Variants in BTBD16 observed in about 807,000 individuals in gnomAD.
The protein encoded by BTBD16 is BTB/POZ domain-containing protein 16.
BTBD16 carries 66 observed loss-of-function variants against 67.4 expected under a neutral mutation model. That is an observed-to-expected ratio of 0.98 (90% CI 0.80 to 1.20). The LOEUF is 1.20. Ranked by LOEUF, BTBD16 falls within the 50% of genes most tolerant of loss-of-function variation. The pLI is 0.00. For missense variants in BTBD16, 634 were observed against 616.0 expected, an observed-to-expected ratio of 1.03 and a Z score of -0.31; for synonymous variants, 242 against 236.4, an observed-to-expected ratio of 1.02 and a Z score of -0.22.
chr10:122,286,925 C>T lies in BTBD16; in HGVS notation c.385+677C>T, dbSNP rs140576194. On this transcript the variant is annotated intron_variant, in intron 5 of 15. Transcript: ENST00000260723. ...GCATCCCCTCGGGCTGACTCATAAG[C>T]AGGTGCCACGGAAAATTCGAGGCCC... 3.1e-3 allele frequency among the ~76,000 whole-genome samples: 478 copies of T among 152,282 alleles called. 2 individuals carry two copies. The highest frequency in any genetic ancestry group is 0.011 in the African/African-American group (466 of 41,544).
chr10:122,333,862 A>G (rs899104425), intron 13 of BTBD16, among the ~76,000 whole-genome samples: 1 of 152,182 alleles, frequency 6.6e-6, no homozygotes, highest in Non-Finnish European at 1.5e-5. Flanking sequence ...TCCTTTAACA[A>G]TAGTTCTCGA....
intron 1 of BTBD16, 23 bp downstream of exon 1, chr10:122,271,537 A>C (rs1308912397): frequency 6.6e-6 from 1 of 152,264 alleles, no homozygotes; most frequent in Non-Finnish European, 1.5e-5. Flanking sequence ...GGTATTTTTC[A>C]GCCACTTCAG....
At chr10:122,337,554 TCC>T (rs1392048376) in intron 15 of BTBD16, among the ~76,000 whole-genome samples, 5 of 152,148 alleles carry the variant, frequency 3.3e-5, no homozygotes, top group Admixed American at 2.6e-4. Flanking sequence ...AAGCTCCACC[TCC>T]CGGGTTCACG....
At chr10:122,272,678 TACACACACACAC>T (rs112265160) in intron 1 of BTBD16, among the ~76,000 whole-genome samples, 1 of 147,590 alleles carries the variant, frequency 6.8e-6, no homozygotes, top group Non-Finnish European at 1.5e-5. Flanking sequence ...GCAAAGGAAA[TACACACACACAC>T]ACACACACAC....
intron 10 of BTBD16, among the ~76,000 whole-genome samples, chr10:122,329,017 G>C (rs919932408): frequency 2.6e-5 from 4 of 152,180 alleles, no homozygotes; most frequent in African/African-American, 9.7e-5. Flanking sequence ...GAAGGGCAGC[G>C]TATGTACAGG....
intron 7 of BTBD16, among the ~76,000 whole-genome samples, chr10:122,294,524 AC>A (rs2096379669): frequency 6.6e-6 from 1 of 151,922 alleles, no homozygotes; most frequent in Non-Finnish European, 1.5e-5. Flanking sequence ...ACATGCGTGT[AC>A]CAGCACATAT....
intron 9 of BTBD16, among the ~76,000 whole-genome samples, chr10:122,299,463 G>A (rs563261325): frequency 6.6e-6 from 1 of 152,248 alleles, no homozygotes; most frequent in Non-Finnish European, 1.5e-5. Flanking sequence ...ATTCATTTTA[G>A]AAAATGAAAT....
intron 10 of BTBD16, among the ~76,000 whole-genome samples, chr10:122,315,217 C>T (rs746130851): frequency 6.6e-6 from 1 of 152,166 alleles, no homozygotes; most frequent in Non-Finnish European, 1.5e-5. Flanking sequence ...GATTTAATTA[C>T]AGCAAAGTGA....
intron 8 of BTBD16, among the ~76,000 whole-genome samples, 178 bp downstream of exon 8, chr10:122,298,015 AT>A (rs1364261650): frequency 6.6e-6 from 1 of 151,684 alleles, no homozygotes. Flanking sequence ...CCATCATTTT[AT>A]TTTTTTAAAG....
At chr10:122,316,980 G>A (rs1240305478) in intron 10 of BTBD16, among the ~76,000 whole-genome samples, 2 of 152,112 alleles carry the variant, frequency 1.3e-5, no homozygotes, top group African/African-American at 4.8e-5. Flanking sequence ...GTAGAGACGG[G>A]GTTTCTCCAT....
intron 10 of BTBD16, among the ~76,000 whole-genome samples, chr10:122,321,149 C>G (rs11200553): frequency 0.039 from 5,975 of 152,254 alleles, 363 homozygotes; most frequent in East Asian, 0.22. Context: ...ATAATGGTCT[C>G]CATCTGCATT....
At chr10:122,298,056 C>T (rs578144466) in intron 8 of BTBD16, among the ~76,000 whole-genome samples, 1 of 151,946 alleles carries the variant, frequency 6.6e-6, no homozygotes, top group Admixed American at 6.5e-5. Flanking sequence ...AATAGAAAGA[C>T]TTTAATCTTA....
intron 6 of BTBD16, 60 bp downstream of exon 6, chr10:122,290,058 T>TA (rs1436863279): frequency 3.4e-6 from 4 of 1,189,322 alleles, no homozygotes; most frequent in Non-Finnish European, 4.9e-6. Context: ...CTCCCAGATT[T>TA]AAAAATGCAC....
At chr10:122,294,826 G>A (rs1275572149) in intron 7 of BTBD16, among the ~76,000 whole-genome samples, 1 of 152,254 alleles carries the variant, frequency 6.6e-6, no homozygotes, top group East Asian at 1.9e-4. Context: ...CAGTGAGGAA[G>A]GGGAAGCATA....
Position 122,338,127 on chromosome 10 carries a change from T to C in BTBD16, c.*42T>C. ...CTATGGGATTTTCCCCCCACTGGTC[T>C]GCATAAAAGAAAATAAAATGACATA... On this transcript the variant is annotated 3_prime_UTR_variant, in exon 16 of 16. Transcript: ENST00000260723. The C allele has an allele frequency of 6.9e-7, 1 of 1,442,768 alleles. No individual in the cohort carries two copies. The highest frequency in any genetic ancestry group is 9.7e-7 in the Non-Finnish European group (1 of 1,034,028). 89.4% of individuals were successfully genotyped at this position (1,442,768 alleles called of 1,614,324 possible).
At chr10:122,273,221 GATATATATAT>G (rs71715395) in intron 1 of BTBD16, among the ~76,000 whole-genome samples, 19 of 129,484 alleles carry the variant, frequency 1.5e-4, no homozygotes, top group South Asian at 1.1e-3. Context: ...GCAACACAAA[GATATATATAT>G]ATATATATAT....
chr10:122,280,358 T>G (rs1160350302), intron 3 of BTBD16, among the ~76,000 whole-genome samples: 1 of 152,032 alleles, frequency 6.6e-6, no homozygotes, highest in Non-Finnish European at 1.5e-5. Context: ...GAGGTGTGTC[T>G]CAGGCCAGAC....
intron 10 of BTBD16, among the ~76,000 whole-genome samples, chr10:122,318,183 A>G (rs1399270901): frequency 1.3e-5 from 2 of 152,114 alleles, no homozygotes; most frequent in African/African-American, 2.4e-5. Flanking sequence ...GTAGACTGAA[A>G]CGTTGTTAAG....
intron 2 of BTBD16, 35 bp downstream of exon 2, chr10:122,275,134 GAGA>G: frequency 3.1e-6 from 5 of 1,602,760 alleles, no homozygotes; most frequent in Non-Finnish European, 4.3e-6. Flanking sequence ...GGTAGGTGAT[GAGA>G]AGAAGCATTT....
Sources: allele counts gnomAD v4.1 joint callset (sites outside exome capture counted in the v4.1 genomes callset), GRCh38; gene constraint gnomAD v4.1.1; transcripts MANE v1.5; gene names NCBI Gene and HGNC (gene_info 2026-07-23, HGNC 2026-07-21).